The following IKBKE variants were observed in gnomAD, a reference collection of about 807,000 sequenced individuals.
The protein encoded by IKBKE is inhibitor of nuclear factor kappa-B kinase subunit epsilon.
A neutral mutation model predicts 92.1 loss-of-function variants in IKBKE; 45 were observed. The ratio of observed to expected loss-of-function variants is 0.49; its 90% confidence interval spans 0.38 to 0.63. The LOEUF (loss-of-function observed/expected upper bound fraction) is 0.63. Among genes scored for constraint, IKBKE ranks in the 20% least tolerant of loss-of-function variants. The pLI is 0.00. For synonymous variants in IKBKE, 374 were observed against 380.3 expected (o/e 0.98, Z 0.19); for missense variants, 700 against 932.8 (o/e 0.75, Z 3.25).
chr1:206,479,146 A>T lies in IKBKE; in HGVS notation c.1183+13A>T, dbSNP rs1665231765. The T allele has an allele frequency of 1.3e-6, 2 of 1,565,242 alleles. No homozygotes were observed. The highest frequency in any genetic ancestry group is 1.4e-5 in the African/African-American group (1 of 73,972). On this transcript the variant is annotated intron_variant, in intron 10 of 21. Coordinates refer to ENST00000581977, the MANE Select transcript of IKBKE (RefSeq NM_014002.4). Reference sequence around the variant, plus strand: ...GCCTTCAGGGACCGTGAGTAGAGCCACCTGGGCTGGATCTTTCTCCTCCCC... The same window carrying T: ...GCCTTCAGGGACCGTGAGTAGAGCCTCCTGGGCTGGATCTTTCTCCTCCCC...
At position 206,490,900 on chromosome 1, in the gene IKBKE, G is replaced by A; in HGVS notation, c.1733+42G>A. On this transcript the variant is annotated intron_variant, in intron 17 of 21. Coordinates refer to ENST00000581977, the MANE Select transcript of IKBKE (RefSeq NM_014002.4). The surrounding 1 kb of genome is among the most constrained non-coding windows in gnomAD (Gnocchi z 5.2). ...CCGGCAGGTGGGTGGGCAGGAGGGTGGGTGTCCTCAGGGCAGAGCGATTCT... is the reference window on the plus strand; with the variant it reads ...CCGGCAGGTGGGTGGGCAGGAGGGTAGGTGTCCTCAGGGCAGAGCGATTCT... 2 of 1,587,954 alleles carry A rather than the reference G, an allele frequency of 1.3e-6. No homozygotes were observed. Among genetic ancestry groups the A allele is most frequent in the South Asian group, 1.1e-5 (1 of 90,530 alleles).
intron 16 of IKBKE, among the ~76,000 whole-genome samples, chr1:206,488,429 C>A (rs2103478360): frequency 6.6e-6 from 1 of 152,318 alleles, no homozygotes; most frequent in South Asian, 2.1e-4. Context: ...CAGGAGAAGT[C>A]CCATTTTGAG....
Position 206,487,651 on chromosome 1 carries a change from T to C in IKBKE, c.1617-263T>C, listed in dbSNP as rs1572259672. On this transcript the variant is annotated intron_variant, in intron 15 of 21. Coordinates refer to ENST00000581977, the MANE Select transcript of IKBKE (RefSeq NM_014002.4). This position sits in a 1 kb window ranked among gnomAD's most constrained non-coding sequence, Gnocchi z 5.3. ...CCCGTCCTGCTTGGCTTCCTGTCTCTCTTATCTCCTACTTAACTCATGCTG... is the reference window on the plus strand; with the variant it reads ...CCCGTCCTGCTTGGCTTCCTGTCTCCCTTATCTCCTACTTAACTCATGCTG... Among the ~76,000 whole-genome samples the C allele has an allele frequency of 6.6e-6, 1 of 152,108 alleles. No individual in the cohort carries two copies. The highest frequency in any genetic ancestry group is 1.5e-5 in the Non-Finnish European group (1 of 68,020).
chr1:206,496,362 C>T lies in IKBKE; in HGVS notation c.*217C>T, dbSNP rs562452031. 2 of 564,502 alleles carry T rather than the reference C, an allele frequency of 3.5e-6. No homozygotes were observed. The highest frequency in any genetic ancestry group is 1.9e-5 in the African/African-American group (1 of 53,404). 35.0% of individuals were successfully genotyped at this position (564,502 alleles called of 1,614,324 possible). Reference sequence around the variant, plus strand: ...GGGCACCAGGCCACCTCTGTTGGGACCCACAGGAAAGAGTGTGGCAGCAAC... The same window carrying T: ...GGGCACCAGGCCACCTCTGTTGGGATCCACAGGAAAGAGTGTGGCAGCAAC... On this transcript the variant is annotated 3_prime_UTR_variant, in exon 22 of 22. Transcript: ENST00000581977.
chr1:206,488,266 G>A (rs1553389313), intron 16 of IKBKE, among the ~76,000 whole-genome samples: 1 of 152,226 alleles, frequency 6.6e-6, no homozygotes, highest in Admixed American at 6.5e-5. Flanking sequence ...CACATGGTTG[G>A]GGGATCCAGT....
chr1:206,483,492 C>T (rs570251142), intron 13 of IKBKE, among the ~76,000 whole-genome samples: 17 of 152,188 alleles, frequency 1.1e-4, no homozygotes, highest in Non-Finnish European at 1.6e-4. Context: ...AGGAGCAAAG[C>T]GACGGCACCC....
chr1:206,496,585 C>T lies in IKBKE; in HGVS notation c.*440C>T, dbSNP rs1666251659. 1 of 245,588 alleles carries T rather than the reference C, an allele frequency of 4.1e-6. No homozygotes were observed. 15.2% of individuals were successfully genotyped at this position (245,588 alleles called of 1,614,324 possible). On this transcript the variant is annotated 3_prime_UTR_variant, in exon 22 of 22. Transcript: ENST00000581977. ...GTCAAACGACCTCATCACAGTCTTC[C>T]TTCCTCTTCAAGCGTTTCATGTTGA...
intron 21 of IKBKE, among the ~76,000 whole-genome samples, chr1:206,494,592 CTTTTTTTTT>C (rs58971788): frequency 7.8e-5 from 5 of 63,900 alleles, no homozygotes; most frequent in Non-Finnish European, 1.2e-4. Flanking sequence ...AAAGTTCTTT[CTTTTTTTTT>C]TTTTTTTTTT....
At chr1:206,475,326 G>C (rs1450260493) in intron 5 of IKBKE, among the ~76,000 whole-genome samples, 1 of 152,206 alleles carries the variant, frequency 6.6e-6, no homozygotes, top group African/African-American at 2.4e-5. Flanking sequence ...GACACAGAAG[G>C]ACAAATCCTG....
intron 18 of IKBKE, chr1:206,492,667 G>C: frequency 2.0e-6 from 1 of 502,976 alleles, no homozygotes; most frequent in Middle Eastern, 3.1e-4. Flanking sequence ...GAGAGCGTGG[G>C]CAGTTCCCCA....
Position 206,478,181 on chromosome 1 carries a change from G to A in IKBKE, c.834G>A (p.Val278=). 1 of 1,613,950 alleles carries A rather than the reference G, an allele frequency of 6.2e-7. No individual in the cohort carries two copies. The highest frequency in any genetic ancestry group is 8.5e-7 in the Non-Finnish European group (1 of 1,180,030). ...GCAGGGGGCTGCAGAGCCAGCTGGT[G>A]CCCATCCTGGCCAACATCCTGGAGG... ...QLSLGLQSQL[V]PILANILEVE... The change falls in exon 9 of 22, where the codon GTG becomes GTA. Residue 278 remains valine, a synonymous_variant. Transcript: ENST00000581977. The surrounding 1 kb of genome is among the most constrained non-coding windows in gnomAD (Gnocchi z 4.8).
At position 206,490,595 on chromosome 1, in the gene IKBKE, C is replaced by T. The variant is rs1291789911; in HGVS notation, c.1694-224C>T. Among the ~76,000 whole-genome samples, 3 of 152,232 alleles carry T rather than the reference C, an allele frequency of 2.0e-5. No homozygotes were observed. Among genetic ancestry groups the T allele is most frequent in the Non-Finnish European group, 4.4e-5 (3 of 68,040 alleles). On this transcript the variant is annotated intron_variant, in intron 16 of 21. Transcript: ENST00000581977. The surrounding 1 kb of genome is among the most constrained non-coding windows in gnomAD (Gnocchi z 5.2). ...CTGCAGGCTGCCTTCCCCTGGGGCC[C>T]TCACACAATTTCCCCATGGCTTCTT...
chr1:206,491,457 C>T, intron 17 of IKBKE, 191 bp from the exon 18 acceptor site: 1 of 506,264 alleles, frequency 2.0e-6, no homozygotes, highest in Non-Finnish European at 3.6e-6. Context: ...GCTTTGCTGG[C>T]CACTGCAACC....
chr1:206,478,460 T>C lies in IKBKE; in HGVS notation c.992+121T>C. 1 of 1,012,406 alleles carries C rather than the reference T, an allele frequency of 9.9e-7. No homozygotes were observed. Among genetic ancestry groups the C allele is most frequent in the South Asian group, 1.5e-5 (1 of 68,514 alleles). The allele number at this position is 1,012,406 out of a possible 1,614,324, so 62.7% of individuals were successfully genotyped here. On this transcript the variant is annotated intron_variant, in intron 9 of 21. Transcript: ENST00000581977. The surrounding 1 kb of genome is among the most constrained non-coding windows in gnomAD (Gnocchi z 4.8). ...GTGTGTACATAGGAACGCTTCCAGG[T>C]CCAAACGTAGTTGGGAAAAGACTAG...
intron 19 of IKBKE, 40 bp downstream of exon 19, chr1:206,493,159 A>T (rs370091760): frequency 1.9e-6 from 3 of 1,567,228 alleles, no homozygotes; most frequent in Non-Finnish European, 2.6e-6. Flanking sequence ...CTGGGGATGC[A>T]GGCTGGGGCG....
In IKBKE at chr1:206,478,050, A is replaced by AAAAT; in HGVS notation, c.813-110_813-109insAAAT. ...CCTCCCCAACCCACCCTGCCCCACC[A>AAAAT]TCTTGGTCCTAGCTCTTCAGGATAT... On this transcript the variant is annotated intron_variant, in intron 8 of 21. Transcript: ENST00000581977. The surrounding 1 kb of genome is among the most constrained non-coding windows in gnomAD (Gnocchi z 4.8). 1 of 628,590 alleles carries AAAAT rather than the reference A, an allele frequency of 1.6e-6. No homozygotes were observed. The highest frequency in any genetic ancestry group is 2.7e-6 in the Non-Finnish European group (1 of 367,974). 38.9% of individuals were successfully genotyped at this position (628,590 alleles called of 1,614,324 possible).
At chr1:206,477,958 G>A (rs189797027) in intron 8 of IKBKE, 99 bp downstream of exon 8, 42 of 958,052 alleles carry the variant, frequency 4.4e-5, no homozygotes, top group Non-Finnish European at 5.6e-5. Flanking sequence ...AGCAGGTTCC[G>A]GGCATGCTGC....
chr1:206,488,938 A>G (rs1354288503), intron 16 of IKBKE, among the ~76,000 whole-genome samples: 2 of 152,188 alleles, frequency 1.3e-5, no homozygotes, highest in Non-Finnish European at 2.9e-5. Flanking sequence ...CAAAATCACT[A>G]AGGAAATACC....
intron 17 of IKBKE, chr1:206,491,063 A>T (rs7552033): frequency 0.89 from 545,323 of 616,056 alleles, 242,220 homozygotes; most frequent in East Asian, 1. Flanking sequence ...GCAATCTTGA[A>T]GTAACTGGAT....
Sources: allele counts gnomAD v4.1 joint callset (sites outside exome capture counted in the v4.1 genomes callset), GRCh38; gene constraint gnomAD v4.1.1; non-coding constraint Gnocchi (gnomAD v3.1); transcripts MANE v1.5; gene names NCBI Gene and HGNC (gene_info 2026-07-23, HGNC 2026-07-21).